SHANK2: variants seen among roughly 807,000 people sequenced by gnomAD.
SHANK2 encodes the protein SH3 and multiple ankyrin repeat domains 2, also known as SH3 and multiple ankyrin repeat domains protein 2.
A neutral mutation model predicts 133.7 loss-of-function variants in SHANK2; 43 were observed. The observed-to-expected ratio is 0.32, with a 90% CI of 0.25 to 0.41. The LOEUF (loss-of-function observed/expected upper bound fraction) is 0.41. SHANK2 is among the 10% of genes least tolerant of loss of function. The pLI, the probability that SHANK2 is intolerant of heterozygous loss-of-function variation, is 1.00. For missense variants in SHANK2, 1,994 were observed against 2,235.8 expected (o/e 0.89, Z 2.18); for synonymous variants, 1,017 against 952.8 (o/e 1.07, Z -1.24).
At chr11:70,674,360 CTT>C (rs879945786) in intron 15 of SHANK2, among the ~76,000 whole-genome samples, 2 of 147,160 alleles carry the variant, frequency 1.4e-5, no homozygotes, top group African/African-American at 2.5e-5. Context: ...ATGATGTCCC[CTT>C]TTTTTTTTTT....
chr11:70,884,854 G>A (rs1555073092), intron 11 of SHANK2, among the ~76,000 whole-genome samples: 1 of 152,162 alleles, frequency 6.6e-6, no homozygotes, highest in African/African-American at 2.4e-5. Flanking sequence ...CCGAGTAGCT[G>A]GGATTACAGG....
At chr11:70,601,932 A>C (rs1414134413) in intron 17 of SHANK2, among the ~76,000 whole-genome samples, 1 of 152,208 alleles carries the variant, frequency 6.6e-6, no homozygotes, top group African/African-American at 2.4e-5. Flanking sequence ...GGTGGCTGGA[A>C]CGCAGCTGAT....
chr11:70,754,741 C>T (rs995401770), intron 14 of SHANK2, among the ~76,000 whole-genome samples: 48 of 152,098 alleles, frequency 3.2e-4, no homozygotes, highest in Non-Finnish European at 4.9e-4. Flanking sequence ...GAGTTAGTGG[C>T]GGGGCCTCAG....
At position 70,599,883 on chromosome 11, in the gene SHANK2, GAAAGAA is replaced by G. The variant is rs1417905924; in HGVS notation, c.2061+59939_2061+59944del. ...AAATAAAAAGAAAGAAAGAAAGAAA[GAAAGAA>G]AAAGAAAGAAAGAAAGAGAAAGAAA... On this transcript the variant is annotated intron_variant, in intron 17 of 25. Coordinates refer to ENST00000601538, the MANE Select transcript of SHANK2 (RefSeq NM_012309.5). 2.6e-3 allele frequency among the ~76,000 whole-genome samples: 234 copies of G among 89,550 alleles called. 23 individuals are homozygous for G. The East Asian group carries it at 0.11, about 41-fold the overall frequency. 58.7% of individuals were successfully genotyped at this position (89,550 alleles called of 152,430 possible).
At chr11:70,646,633 G>A (rs1484653222) in intron 17 of SHANK2, among the ~76,000 whole-genome samples, 2 of 152,156 alleles carry the variant, frequency 1.3e-5, no homozygotes, top group Admixed American at 6.5e-5. Context: ...CTCCAGGCTT[G>A]AGCCTAACAA....
At chr11:70,618,207 T>C (rs541394296) in intron 17 of SHANK2, among the ~76,000 whole-genome samples, 1 of 148,766 alleles carries the variant, frequency 6.7e-6, no homozygotes, top group East Asian at 2.0e-4. Context: ...AGCAGGAGAA[T>C]CATTTGAACC....
intron 14 of SHANK2, among the ~76,000 whole-genome samples, chr11:70,762,737 G>A (rs561763137): frequency 6.6e-6 from 1 of 152,342 alleles, no homozygotes; most frequent in East Asian, 1.9e-4. Flanking sequence ...GGTCCTCTCA[G>A]GTAAGCCACA....
chr11:70,884,225 AG>A (rs1949702307), intron 11 of SHANK2, among the ~76,000 whole-genome samples: 3 of 152,308 alleles, frequency 2.0e-5, no homozygotes, highest in East Asian at 3.9e-4. Flanking sequence ...TAACGGGGTC[AG>A]GGGGTGCTTC....
intron 14 of SHANK2, among the ~76,000 whole-genome samples, chr11:70,729,145 C>T (rs1259541427): frequency 2.7e-5 from 4 of 150,320 alleles, no homozygotes; most frequent in Middle Eastern, 3.4e-3. Context: ...CAGAGGTTGC[C>T]GAGATCGCAC....
chr11:71,130,573 G>A (rs1418450313), intron 3 of SHANK2, among the ~76,000 whole-genome samples: 1 of 152,164 alleles, frequency 6.6e-6, no homozygotes, highest in Non-Finnish European at 1.5e-5. Context: ...AGGTCTTATT[G>A]CCATGGGTTA....
At chr11:71,073,136 C>CTTTTCTTTTTTTTTTTTTTTTTTT (rs1951164763) in intron 9 of SHANK2, among the ~76,000 whole-genome samples, 1 of 72,398 alleles carries the variant, frequency 1.4e-5, no homozygotes, top group Non-Finnish European at 3.5e-5. Flanking sequence ...TGTTTTTTTT[C>CTTTTCTTTTTTTTTTTTTTTTTTT]TTTTTCTTTT....
At chr11:70,720,067 A>T (rs556936800) in intron 14 of SHANK2, among the ~76,000 whole-genome samples, 20 of 152,278 alleles carry the variant, frequency 1.3e-4, no homozygotes, top group African/African-American at 2.6e-4. Context: ...GCAGACCAGA[A>T]CAGCTCCTGC....
intron 10 of SHANK2, among the ~76,000 whole-genome samples, chr11:70,912,539 G>A (rs1203982398): frequency 6.6e-6 from 1 of 152,150 alleles, no homozygotes; most frequent in African/African-American, 2.4e-5. Flanking sequence ...CTGTCACCAT[G>A]TAAGAAGTGC....
Position 71,075,829 on chromosome 11 carries a change from G to A in SHANK2, c.913-554C>T, listed in dbSNP as rs1350583587. Among the ~76,000 whole-genome samples, 5 of 152,304 alleles carry A rather than the reference G, an allele frequency of 3.3e-5. No individual in the cohort carries two copies. The South Asian group carries it at 6.2e-4, about 19-fold the overall frequency. On this transcript the variant is annotated intron_variant, in intron 8 of 25. Coordinates refer to ENST00000601538, the MANE Select transcript of SHANK2 (RefSeq NM_012309.5). Reference sequence around the variant, plus strand: ...CCAGCTCCTAAGTAAGTTGCAGGACGCAGGGGTAGGGCAGACCCATACTAT... The same window carrying A: ...CCAGCTCCTAAGTAAGTTGCAGGACACAGGGGTAGGGCAGACCCATACTAT...
At position 70,804,197 on chromosome 11, in the gene SHANK2, T is replaced by C. The variant is rs1392248624; in HGVS notation, c.1663+2805A>G. Among the ~76,000 whole-genome samples the C allele has an allele frequency of 1.3e-5, 2 of 152,114 alleles. 1 individual carries two copies. On this transcript the variant is annotated intron_variant, in intron 13 of 25. Transcript: ENST00000601538. The surrounding 1 kb of genome is among the most constrained non-coding windows in gnomAD (Gnocchi z 4.1). ...GCCCACAATGATTGTTCCCTTGATA[T>C]CAAGGGGACAGAATTCCTCCAAACG...
At chr11:71,165,939 C>T (rs1241366168) in intron 2 of SHANK2, among the ~76,000 whole-genome samples, 1 of 152,202 alleles carries the variant, frequency 6.6e-6, no homozygotes, top group African/African-American at 2.4e-5. Flanking sequence ...CCATCTCCTC[C>T]ATCCTCTGCT....
At chr11:71,097,207 C>A (rs1444459791) in intron 6 of SHANK2, among the ~76,000 whole-genome samples, 1 of 152,114 alleles carries the variant, frequency 6.6e-6, no homozygotes, top group Non-Finnish European at 1.5e-5. Context: ...GGTCAGGAGA[C>A]CCCCTCTTCC....
intron 11 of SHANK2, among the ~76,000 whole-genome samples, chr11:70,848,155 C>T (rs1047914919): frequency 3.3e-5 from 5 of 152,230 alleles, no homozygotes; most frequent in Admixed American, 6.5e-5. Flanking sequence ...CTTCTCTCCA[C>T]GGAGGCTTAG....
At position 70,840,071 on chromosome 11, in the gene SHANK2, C is replaced by T. The variant is rs181770360; in HGVS notation, c.1175-19389G>A. 1.6e-3 allele frequency among the ~76,000 whole-genome samples: 237 copies of T among 152,334 alleles called. 2 individuals carry two copies. The highest frequency in any genetic ancestry group is 5.5e-3 in the African/African-American group (230 of 41,580). On this transcript the variant is annotated intron_variant, in intron 11 of 25. Coordinates refer to ENST00000601538, the MANE Select transcript of SHANK2 (RefSeq NM_012309.5). ...TGAAGGCAGAGGGCGTGGGGCCCAC[C>T]AGCTGACTCCCCACATGGTGACGGC...
Sources: gnomAD v4.1 joint callset for allele counts (sites outside exome capture counted in the v4.1 genomes callset) on GRCh38, gnomAD v4.1.1 for gene constraint, Gnocchi (gnomAD v3.1) non-coding constraint, MANE v1.5 for transcripts, NCBI Gene and HGNC (gene_info 2026-07-23, HGNC 2026-07-21) for gene names.